UNC5D: variants seen among roughly 807,000 people sequenced by gnomAD.
UNC5D encodes the protein netrin receptor UNC5D.
Under a neutral mutation model 105.4 loss-of-function variants are expected in UNC5D, and 39 were observed. That is an observed-to-expected ratio of 0.37 (90% CI 0.29 to 0.48). The LOEUF (loss-of-function observed/expected upper bound fraction) is 0.48. UNC5D is among the 20% of genes least tolerant of loss of function. The probability of loss-of-function intolerance (pLI) is 0.98; values close to 1 mark genes in which losing one functional copy is unlikely to be tolerated. For missense variants in UNC5D, 991 were observed against 1,202.4 expected (o/e 0.82, Z 2.60); for synonymous variants, 452 against 450.4 (o/e 1.00, Z -0.04).
intron 4 of UNC5D, among the ~76,000 whole-genome samples, chr8:35,680,821 A>G (rs189042786): frequency 1.5e-4 from 23 of 152,310 alleles, no homozygotes; most frequent in Admixed American, 2.6e-4. Context: ...AGACTTCTCT[A>G]CTTCCTGACA....
At chr8:35,777,699 T>G (rs533511789) in intron 16 of UNC5D, among the ~76,000 whole-genome samples, 43 of 152,340 alleles carry the variant, frequency 2.8e-4, no homozygotes, top group African/African-American at 1.0e-3. Flanking sequence ...TAGATATGAC[T>G]GTGTGCCAGT....
At chr8:35,352,682 G>A (rs1310214074) in intron 1 of UNC5D, among the ~76,000 whole-genome samples, 3 of 152,082 alleles carry the variant, frequency 2.0e-5, no homozygotes, top group Middle Eastern at 3.4e-3. Flanking sequence ...GCACAATCTC[G>A]GCTCATTGCA....
intron 1 of UNC5D, among the ~76,000 whole-genome samples, chr8:35,473,481 C>T (rs992421575): frequency 2.0e-5 from 3 of 152,086 alleles, no homozygotes; most frequent in Non-Finnish European, 4.4e-5. Flanking sequence ...ATCCACTGCA[C>T]ATTAATTGAC....
At chr8:35,252,019 C>CTTTT (rs1177014089) in intron 1 of UNC5D, among the ~76,000 whole-genome samples, 57 of 117,272 alleles carry the variant, frequency 4.9e-4, no homozygotes, top group African/African-American at 1.3e-3. Flanking sequence ...ACCAATGGTT[C>CTTTT]TTTTTTTTTT....
At chr8:35,583,619 A>G (rs1263902081) in intron 3 of UNC5D, among the ~76,000 whole-genome samples, 1 of 152,214 alleles carries the variant, frequency 6.6e-6, no homozygotes, top group African/African-American at 2.4e-5. Context: ...GAACTTGCAG[A>G]TATTTTGTCC....
At chr8:35,724,191 CTAAGACAATAT>C in intron 9 of UNC5D, 1 of 1,497,362 alleles carries the variant, frequency 6.7e-7, no homozygotes, top group Non-Finnish European at 8.9e-7. Flanking sequence ...TTGTAAATCT[CTAAGACAATAT>C]TAGTCTTACC....
rs186072971 is a variant in UNC5D, at chr8:35,620,468, C to G, written c.570+24811C>G. Among the ~76,000 whole-genome samples the G allele has an allele frequency of 4.3e-3, 654 of 152,206 alleles. 3 individuals carry two copies. The highest frequency in any genetic ancestry group is 6.4e-3 in the Non-Finnish European group (433 of 68,016). On this transcript the variant is annotated intron_variant, in intron 4 of 16. Coordinates refer to ENST00000404895, the MANE Select transcript of UNC5D (RefSeq NM_080872.4). The stretch of plus-strand genomic sequence containing the variant: ...AAGGGGCTTTTGTGTTCTCTTGGAT[C>G]ACCTCTGCGACTCATCATGTGAAGT...
Position 35,743,525 on chromosome 8 carries a change from C to T in UNC5D, c.1767-5002C>T, listed in dbSNP as rs539623791. Among the ~76,000 whole-genome samples, 40 of 151,850 alleles carry T rather than the reference C, an allele frequency of 2.6e-4. No individual in the cohort carries two copies. In the South Asian group the frequency reaches 7.7e-3, roughly 29 times the overall value. The stretch of plus-strand genomic sequence containing the variant: ...ACTCCTGACCTCGAGTGATCCCCCC[C>T]ACCTCAGCCTCCCAAAGTGCTGGGA... On this transcript the variant is annotated intron_variant, in intron 11 of 16. Transcript: ENST00000404895.
intron 1 of UNC5D, among the ~76,000 whole-genome samples, chr8:35,326,460 AAAAG>A (rs1413363443): frequency 6.6e-6 from 1 of 152,226 alleles, no homozygotes; most frequent in Non-Finnish European, 1.5e-5. Flanking sequence ...TTTCAAGTGA[AAAAG>A]AAATAATAGG....
intron 8 of UNC5D, among the ~76,000 whole-genome samples, chr8:35,720,817 A>G (rs1468647318): frequency 3.3e-5 from 5 of 150,520 alleles, no homozygotes; most frequent in African/African-American, 7.4e-5. Context: ...GTATTTGATA[A>G]ACCTCTGACC....
chr8:35,267,781 C>T (rs1485423274), intron 1 of UNC5D, among the ~76,000 whole-genome samples: 2 of 152,034 alleles, frequency 1.3e-5, no homozygotes, highest in African/African-American at 4.8e-5. Context: ...CTCTGGCTGT[C>T]CTAGGCAAAA....
chr8:35,637,538 C>T (rs1272993670), intron 4 of UNC5D, among the ~76,000 whole-genome samples: 2 of 152,060 alleles, frequency 1.3e-5, no homozygotes, highest in Non-Finnish European at 2.9e-5. Context: ...ACAGAGTTCA[C>T]GTTTTCATGA....
intron 4 of UNC5D, among the ~76,000 whole-genome samples, chr8:35,665,005 T>A (rs1018007998): frequency 6.6e-6 from 1 of 152,070 alleles, no homozygotes; most frequent in Non-Finnish European, 1.5e-5. Context: ...AGCTAATTTT[T>A]TAAGTTTTTA....
intron 16 of UNC5D, among the ~76,000 whole-genome samples, chr8:35,787,524 T>C (rs1802802101): frequency 1.3e-5 from 2 of 152,070 alleles, no homozygotes; most frequent in Non-Finnish European, 2.9e-5. Context: ...TTGGTGACAG[T>C]GTTTATAGGA....
At chr8:35,482,037 T>A (rs144423540) in intron 1 of UNC5D, among the ~76,000 whole-genome samples, 1 of 152,218 alleles carries the variant, frequency 6.6e-6, no homozygotes, top group Non-Finnish European at 1.5e-5. Context: ...AGATGATAGA[T>A]AGTGTGTACC....
chr8:35,427,434 A>G (rs1806328319), intron 1 of UNC5D, among the ~76,000 whole-genome samples: 1 of 152,218 alleles, frequency 6.6e-6, no homozygotes, highest in Admixed American at 6.5e-5. Flanking sequence ...CGCTGTATGA[A>G]ATTCTACTTA....
chr8:35,463,932 G>T (rs561368370), intron 1 of UNC5D, among the ~76,000 whole-genome samples: 1 of 152,098 alleles, frequency 6.6e-6, no homozygotes, highest in Admixed American at 6.6e-5. Context: ...AAAAGTGGGC[G>T]GTAGAAAATG....
intron 8 of UNC5D, among the ~76,000 whole-genome samples, chr8:35,713,404 ACT>A (rs1362828132): frequency 1.3e-5 from 2 of 152,094 alleles, no homozygotes; most frequent in South Asian, 2.1e-4. Context: ...GCTCTTTTTG[ACT>A]CTCTCTTCTG....
chr8:35,604,440 A>T (rs543546026), intron 4 of UNC5D, among the ~76,000 whole-genome samples: 61 of 152,210 alleles, frequency 4.0e-4, no homozygotes, highest in African/African-American at 1.4e-3. Context: ...CTTCCCTTTG[A>T]GGGTAACCCG....
Sources: allele counts gnomAD v4.1 joint callset (sites outside exome capture counted in the v4.1 genomes callset), GRCh38; gene constraint gnomAD v4.1.1; transcripts MANE v1.5; gene names NCBI Gene and HGNC (gene_info 2026-07-23, HGNC 2026-07-21).